KCNQ1: variants seen among roughly 807,000 people sequenced by gnomAD.
KCNQ1 encodes potassium voltage-gated channel subfamily KQT member 1.
In KCNQ1, 49 loss-of-function variants were observed where a neutral mutation model predicts 72.4. The observed-to-expected ratio is 0.68, with a 90% CI of 0.54 to 0.86. The LOEUF (loss-of-function observed/expected upper bound fraction) is 0.86. Among genes scored for constraint, KCNQ1 ranks in the 40% least tolerant of loss-of-function variants. The pLI, the probability that KCNQ1 is intolerant of heterozygous loss-of-function variation, is 0.00. For missense variants in KCNQ1, 790 were observed against 945.1 expected, an observed-to-expected ratio of 0.84 and a Z score of 2.15; for synonymous variants, 450 against 412.6, an observed-to-expected ratio of 1.09 and a Z score of -1.10.
In KCNQ1 at chr11:2,816,318, G is replaced by A. The variant is rs905633827; in HGVS notation, c.1795-31449G>A. The stretch of plus-strand genomic sequence containing the variant: ...TGGAGTCAAGCTCAGTGCTGGTGAC[G>A]ATGTTGGGGAGAGGGGCCTCCAGCG... On this transcript the variant is annotated intron_variant, in intron 15 of 15. Transcript: ENST00000155840. This position sits in a 1 kb window ranked among gnomAD's most constrained non-coding sequence, Gnocchi z 6.8. Among the ~76,000 whole-genome samples the A allele has an allele frequency of 3.3e-5, 5 of 152,232 alleles. No homozygotes were observed. The highest frequency in any genetic ancestry group is 1.9e-4 in the East Asian group (1 of 5,196).
chr11:2,548,739 C>T (rs949596710), intron 2 of KCNQ1, among the ~76,000 whole-genome samples: 2 of 152,236 alleles, frequency 1.3e-5, no homozygotes, highest in African/African-American at 2.4e-5. Flanking sequence ...TATGCGTGTG[C>T]ACACACGGTG....
Position 2,723,016 on chromosome 11 carries a change from G to A in KCNQ1, c.1515-45828G>A, listed in dbSNP as rs1366700447. Among the ~76,000 whole-genome samples the A allele has an allele frequency of 6.6e-6, 1 of 152,204 alleles. No homozygotes were observed. The highest frequency in any genetic ancestry group is 1.5e-5 in the Non-Finnish European group (1 of 68,026). On this transcript the variant is annotated intron_variant, in intron 11 of 15. Coordinates refer to ENST00000155840, the MANE Select transcript of KCNQ1 (RefSeq NM_000218.3). This position sits in a 1 kb window ranked among gnomAD's most constrained non-coding sequence, Gnocchi z 4.2. ...GCAGGCTCACCTCACACCCTTGTGG[G>A]CCAGCTGCGGCCCAAAAGCCTCCTG...
At position 2,769,018 on chromosome 11, in the gene KCNQ1, G is replaced by C. The variant is rs1846545852; in HGVS notation, c.1590+99G>C. On this transcript the variant is annotated intron_variant, in intron 12 of 15. Coordinates refer to ENST00000155840, the MANE Select transcript of KCNQ1 (RefSeq NM_000218.3). The surrounding 1 kb of genome is among the most constrained non-coding windows in gnomAD (Gnocchi z 4.6). ...GGGTTCTCTCCTGCCCATAGTGGAG[G>C]GTGTCAAGGCCTCCGCCCCCAAGCC... is the stretch of plus-strand genomic sequence containing the variant. The C allele has an allele frequency of 9.6e-7, 1 of 1,037,424 alleles. No individual in the cohort carries two copies. The allele number at this position is 1,037,424 out of a possible 1,614,324, so 64.3% of individuals were successfully genotyped here.
At chr11:2,609,249 G>A (rs7104624) in intron 10 of KCNQ1, 14,913 of 398,042 alleles carry the variant, frequency 0.037, 899 homozygotes, top group African/African-American at 0.16. Context: ...CTCAAAGTAC[G>A]TTCCATTTCC....
In KCNQ1 at chr11:2,818,524, G is replaced by C. The variant is rs1313407543; in HGVS notation, c.1795-29243G>C. ...GCTGTCACAGGACTTTGCCACCCGGGGTGAGGGGCCTAGAAACCCCTCTCC... is the reference window on the plus strand; with the variant it reads ...GCTGTCACAGGACTTTGCCACCCGGCGTGAGGGGCCTAGAAACCCCTCTCC... On this transcript the variant is annotated intron_variant, in intron 15 of 15. Transcript: ENST00000155840. The surrounding 1 kb of genome is among the most constrained non-coding windows in gnomAD (Gnocchi z 7.2). Among the ~76,000 whole-genome samples the C allele has an allele frequency of 1.3e-5, 2 of 152,098 alleles. No individual in the cohort carries two copies. The highest frequency in any genetic ancestry group is 6.5e-5 in the Admixed American group (1 of 15,284).
chr11:2,780,456 G>GCCCCGCCAA (rs1280094136), intron 15 of KCNQ1, among the ~76,000 whole-genome samples: 14 of 152,194 alleles, frequency 9.2e-5, no homozygotes, highest in African/African-American at 1.2e-4. Context: ...ATGCCCGCCG[G>GCCCCGCCAA]CCCTGCCAAC....
chr11:2,532,252 C>G (rs992617154), intron 2 of KCNQ1, among the ~76,000 whole-genome samples: 1 of 152,220 alleles, frequency 6.6e-6, no homozygotes, highest in African/African-American at 2.4e-5. Context: ...GCTAACCCCA[C>G]AAGCTCTGCA....
At chr11:2,831,890 C>T (rs1847958807) in intron 15 of KCNQ1, among the ~76,000 whole-genome samples, 3 of 152,110 alleles carry the variant, frequency 2.0e-5, no homozygotes. Flanking sequence ...ATATGCCTGA[C>T]TCAGCCCCTG....
At position 2,703,130 on chromosome 11, in the gene KCNQ1, G is replaced by C. The variant is rs1226980788; in HGVS notation, c.1514+41049G>C. Among the ~76,000 whole-genome samples the C allele has an allele frequency of 6.6e-6, 1 of 152,204 alleles. No homozygotes were observed. Among genetic ancestry groups the C allele is most frequent in the African/African-American group, 2.4e-5 (1 of 41,454 alleles). On this transcript the variant is annotated intron_variant, in intron 11 of 15. Coordinates refer to ENST00000155840, the MANE Select transcript of KCNQ1 (RefSeq NM_000218.3). The surrounding 1 kb of genome is among the most constrained non-coding windows in gnomAD (Gnocchi z 6.4). ...CAGATGGGGGCTGCCAGGCAGGCTG[G>C]GAGGTGAGCCCAGGGCTGGCCTTGG...
At position 2,764,909 on chromosome 11, in the gene KCNQ1, G is replaced by C. The variant is rs1232224984; in HGVS notation, c.1515-3935G>C. Among the ~76,000 whole-genome samples the C allele has an allele frequency of 2.0e-5, 3 of 152,160 alleles. No individual in the cohort carries two copies. Among genetic ancestry groups the C allele is most frequent in the African/African-American group, 4.8e-5 (2 of 41,456 alleles). On this transcript the variant is annotated intron_variant, in intron 11 of 15. Coordinates refer to ENST00000155840, the MANE Select transcript of KCNQ1 (RefSeq NM_000218.3). The surrounding 1 kb of genome is among the most constrained non-coding windows in gnomAD (Gnocchi z 4.8). ...CCCCATCTGATCAGTCTTCCCAAAAGTGTGTCTGTTTTATTAGTCTCTTCT... is the reference window on the plus strand; with the variant it reads ...CCCCATCTGATCAGTCTTCCCAAAACTGTGTCTGTTTTATTAGTCTCTTCT...
rs775836366 is a variant in KCNQ1 at position 2,570,666 on chromosome 11, G to T, written c.516G>T (p.Val172=). ...TGGTGTTCTTCGGGACGGAGTACGT[G>T]GTCCGCCTCTGGTCCGCCGGCTGCC... ...VLVVFFGTEY[V]VRLWSAGCRS... Residue 172 remains valine (V), a synonymous_variant, in exon 3 of 16, where the codon GTG becomes GTT. Transcript: ENST00000155840. 1 of 1,612,666 alleles carries T rather than the reference G, an allele frequency of 6.2e-7. No individual in the cohort carries two copies. Among genetic ancestry groups the T allele is most frequent in the South Asian group, 1.1e-5 (1 of 91,082 alleles).
rs1434214998 is a variant in KCNQ1, at chr11:2,769,831, C to T, written c.1590+912C>T. On this transcript the variant is annotated intron_variant, in intron 12 of 15. Transcript: ENST00000155840. The surrounding 1 kb of genome is among the most constrained non-coding windows in gnomAD (Gnocchi z 4.6). ...AGGGTGGGGCTTCTGAGCTGGGGGC[C>T]CCTGGCACCTCAGCCACAGCCTCAC... Among the ~76,000 whole-genome samples the T allele has an allele frequency of 6.6e-6, 1 of 152,044 alleles. No homozygotes were observed. Among genetic ancestry groups the T allele is most frequent in the Non-Finnish European group, 1.5e-5 (1 of 67,982 alleles).
intron 4 of KCNQ1, 78 bp downstream of exon 4, chr11:2,571,481 C>A: frequency 8.5e-7 from 1 of 1,177,688 alleles, no homozygotes; most frequent in Non-Finnish European, 1.2e-6. Flanking sequence ...TGGTCTCACG[C>A]CCCATCCACC....
chr11:2,469,697 G>A (rs550892679), intron 1 of KCNQ1, among the ~76,000 whole-genome samples: 16 of 151,548 alleles, frequency 1.1e-4, no homozygotes, highest in Middle Eastern at 3.4e-3. Context: ...TTTTTGAGAC[G>A]GAGTCTCGCT....
intron 10 of KCNQ1, among the ~76,000 whole-genome samples, chr11:2,606,892 A>ATTTTTTTTTTTTT (rs869121696): frequency 1.2e-5 from 1 of 82,766 alleles, no homozygotes; most frequent in East Asian, 3.9e-4. Flanking sequence ...ATTATCTGTG[A>ATTTTTTTTTTTTT]TTTTTTTTTT....
chr11:2,693,484 A>G (rs1850622690), intron 11 of KCNQ1: 2 of 398,554 alleles, frequency 5.0e-6, no homozygotes, highest in Admixed American at 4.4e-5. Context: ...TACAATTAGC[A>G]GGAGAAAGGC....
intron 11 of KCNQ1, among the ~76,000 whole-genome samples, chr11:2,705,166 C>G (rs777195599): frequency 6.6e-6 from 1 of 152,342 alleles, no homozygotes; most frequent in African/African-American, 2.4e-5. Flanking sequence ...CCTCAGACAA[C>G]AGTGCTGTGT....
rs920607315 is a variant in KCNQ1, at chr11:2,588,305, G to A, written c.1252-408G>A. Among the ~76,000 whole-genome samples the A allele has an allele frequency of 1.3e-5, 2 of 152,142 alleles. No individual in the cohort carries two copies. Among genetic ancestry groups the A allele is most frequent in the Non-Finnish European group, 2.9e-5 (2 of 68,008 alleles). ...TCCGTGCCTACTGTTCCCTGTGCTG[G>A]AATGTTCCCCCAGATTTCCACACAG... On this transcript the variant is annotated intron_variant, in intron 9 of 15. Coordinates refer to ENST00000155840, the MANE Select transcript of KCNQ1 (RefSeq NM_000218.3). This position sits in a 1 kb window ranked among gnomAD's most constrained non-coding sequence, Gnocchi z 5.6.
chr11:2,475,510 G>A lies in KCNQ1; in HGVS notation c.386+30026G>A, dbSNP rs545045230. ...ATGATGCCATCAAAATGAAAAAATGGCTAAAGATTTTCAAGCACACACACC... is the reference window on the plus strand; with the variant it reads ...ATGATGCCATCAAAATGAAAAAATGACTAAAGATTTTCAAGCACACACACC... On this transcript the variant is annotated intron_variant, in intron 1 of 15. Coordinates refer to ENST00000155840, the MANE Select transcript of KCNQ1 (RefSeq NM_000218.3). The surrounding 1 kb of genome is among the most constrained non-coding windows in gnomAD (Gnocchi z 5.8). Among the ~76,000 whole-genome samples the A allele has an allele frequency of 6.6e-6, 1 of 152,320 alleles. No individual in the cohort carries two copies. Among genetic ancestry groups the A allele is most frequent in the Admixed American group, 6.5e-5 (1 of 15,300 alleles).
Sources: allele counts gnomAD v4.1 joint callset (sites outside exome capture counted in the v4.1 genomes callset), GRCh38; gene constraint gnomAD v4.1.1; non-coding constraint Gnocchi (gnomAD v3.1); transcripts MANE v1.5; gene names NCBI Gene and HGNC (gene_info 2026-07-23, HGNC 2026-07-21).